The following KRT27 variants were observed in gnomAD, a reference collection of about 807,000 sequenced individuals.
KRT27 encodes keratin, type I cytoskeletal 27.
A neutral mutation model predicts 45.3 loss-of-function variants in KRT27; 30 were observed. The observed-to-expected ratio is 0.66, with a 90% CI of 0.50 to 0.90. The LOEUF (loss-of-function observed/expected upper bound fraction) is 0.90. Ranked by LOEUF, KRT27 falls within the 40% of genes least tolerant of loss-of-function variation. The pLI, the probability that KRT27 is intolerant of heterozygous loss-of-function variation, is 0.00. For synonymous variants in KRT27, 204 were observed against 223.9 expected, an observed-to-expected ratio of 0.91 and a Z score of 0.79; for missense variants, 610 against 564.3, an observed-to-expected ratio of 1.08 and a Z score of -0.82.
rs1171562589 is a variant in KRT27, at chr17:40,782,485, C to T, written c.9G>A (p.Val3=). The stretch of plus-strand genomic sequence containing the variant: ...GTCTCCTGGAGGTAGAAGAAAAGCG[C>T]ACAGACATGGTGTCCGGAGGCTGGA... MS[V]RFSSTSRRLG... The change falls in exon 1 of 8, where the codon GTG becomes GTA. Residue 3 remains valine, a synonymous_variant. Transcript: ENST00000301656. The T allele has an allele frequency of 5.7e-6, 9 of 1,569,786 alleles. No homozygotes were observed. Among genetic ancestry groups the T allele is most frequent in the Non-Finnish European group, 7.8e-6 (9 of 1,157,890 alleles).
chr17:40,776,873 T>G lies in KRT27; in HGVS notation c.*126A>C. 1 of 824,922 alleles carries G rather than the reference T, an allele frequency of 1.2e-6. No individual in the cohort carries two copies. Among genetic ancestry groups the G allele is most frequent in the South Asian group, 2.1e-5 (1 of 46,540 alleles). 51.1% of individuals were successfully genotyped at this position (824,922 alleles called of 1,614,324 possible). A position where few individuals can be genotyped will look rare whatever the true frequency, so the allele number is the denominator to read the frequency against. ...AGAGAAAAAGCCAAAGAAATGGTACTATTCTAAAAATAACTTGTCTTAATT... is the reference window on the plus strand; with the variant it reads ...AGAGAAAAAGCCAAAGAAATGGTACGATTCTAAAAATAACTTGTCTTAATT... On this transcript the variant is annotated 3_prime_UTR_variant, in exon 8 of 8. Coordinates refer to ENST00000301656, the MANE Select transcript of KRT27 (RefSeq NM_181537.4).
At chr17:40,779,356 CAT>C in intron 5 of KRT27, 144 bp downstream of exon 5, 1 of 975,150 alleles carries the variant, frequency 1.0e-6, no homozygotes, top group Non-Finnish European at 1.5e-6. Flanking sequence ...AGAGGATTGT[CAT>C]GTGCAAAATG....
At chr17:40,780,244 A>T in intron 3 of KRT27, 56 bp downstream of exon 3, 1 of 1,495,854 alleles carries the variant, frequency 6.7e-7, no homozygotes, top group Non-Finnish European at 9.0e-7. Flanking sequence ...ATCTGAAATT[A>T]GTTTTAAAAT....
intron 4 of KRT27, 30 bp downstream of exon 4, chr17:40,779,663 TGAGTCCG>T: frequency 9.3e-6 from 15 of 1,613,494 alleles, no homozygotes; most frequent in Non-Finnish European, 1.3e-5. Flanking sequence ...GCGCTGGGGC[TGAGTCCG>T]CGCCCGGGCG....
At chr17:40,778,674 C>T (rs1216101418) in intron 5 of KRT27, among the ~76,000 whole-genome samples, 2 of 152,206 alleles carry the variant, frequency 1.3e-5, no homozygotes, top group Admixed American at 1.3e-4. Context: ...TATCATTACA[C>T]ATGTTTAGTT....
At chr17:40,780,497 C>T (rs1199052813) in intron 2 of KRT27, 41 bp from the exon 3 acceptor site, 2 of 1,551,416 alleles carry the variant, frequency 1.3e-6, no homozygotes, top group African/African-American at 2.7e-5. Flanking sequence ...AGTCATTAGA[C>T]ATGGCACATC....
intron 3 of KRT27, 67 bp from the exon 4 acceptor site, chr17:40,779,928 G>T (rs9903064): frequency 0.032 from 49,094 of 1,510,902 alleles, 896 homozygotes; most frequent in Middle Eastern, 0.084. Flanking sequence ...TTGAGTTAGG[G>T]TCTCGCTCTG....
In KRT27 at chr17:40,782,545, C is replaced by T. The variant is rs111493787; in HGVS notation, c.-52G>A. 27 of 1,416,630 alleles carry T rather than the reference C, an allele frequency of 1.9e-5. No homozygotes were observed. The highest frequency in any genetic ancestry group is 1.8e-4 in the South Asian group (12 of 68,398). 87.8% of individuals were successfully genotyped at this position (1,416,630 alleles called of 1,614,324 possible). On this transcript the variant is annotated 5_prime_UTR_variant, in exon 1 of 8. Coordinates refer to ENST00000301656, the MANE Select transcript of KRT27 (RefSeq NM_181537.4). ...TCTGCGGTGATGCTCTGATGGTGAA[C>T]GGCCTACTCAAACAGCTTGGTTTGC...
Position 40,779,750 on chromosome 17 carries a change from C to T in KRT27, c.796G>A (p.Ala266Thr), listed in dbSNP as rs759137482. The T allele has an allele frequency of 6.2e-7, 1 of 1,614,244 alleles. No individual in the cohort carries two copies. The highest frequency in any genetic ancestry group is 1.1e-5 in the South Asian group (1 of 91,082). Reference protein sequence around the residue: ...LLNNMRAEYEALAEQNRRDAE... With the variant: ...LLNNMRAEYETLAEQNRRDAE... ...TCCCTGCGGTTCTGCTCTGCGAGGG[C>T]TTCGTACTCAGCTCGCATATTGTTC... is the stretch of plus-strand genomic sequence containing the variant. Residue 266 changes from alanine to threonine, a missense_variant, in exon 4 of 8, where the codon GCC (alanine) becomes ACC (threonine). By Grantham distance (58) the Ala-to-Thr change is moderately conservative (BLOSUM62 0). Transcript: ENST00000301656.
chr17:40,779,679 C>T lies in KRT27; in HGVS notation c.846+21G>A, dbSNP rs753393580. 7 of 1,613,018 alleles carry T rather than the reference C, an allele frequency of 4.3e-6. No homozygotes were observed. The South Asian group carries it at 6.6e-5, about 15-fold the overall frequency. Reference sequence around the variant, plus strand: ...CGCTGGGGCTGAGTCCGCGCCCGGGCGCACCCAAGCGTGGTTTTACCTTTT... The same window carrying T: ...CGCTGGGGCTGAGTCCGCGCCCGGGTGCACCCAAGCGTGGTTTTACCTTTT... On this transcript the variant is annotated intron_variant, in intron 4 of 7. Transcript: ENST00000301656.
chr17:40,782,341 GC>G lies in KRT27; in HGVS notation c.152del (p.Gly51AlafsTer36), dbSNP rs1567682706. Reference sequence around the variant, plus strand: ...CGCCATAGCCTCCTGCAGATGAGCTGCCCCCAAAAGCACAAGAGAAGCCACT... The same window carrying G: ...CGCCATAGCCTCCTGCAGATGAGCTGCCCCAAAAGCACAAGAGAAGCCACT... ...IGSGFSCAFG[G>X]SSSAGGYGGG... is the part of the protein sequence containing the mutation. On this transcript the variant is annotated frameshift_variant, in exon 1 of 8. Coordinates refer to ENST00000301656, the MANE Select transcript of KRT27 (RefSeq NM_181537.4). LOFTEE classifies it high-confidence loss of function. The G allele has an allele frequency of 6.2e-7, 1 of 1,614,172 alleles. No homozygotes were observed. Among genetic ancestry groups the G allele is most frequent in the Non-Finnish European group, 8.5e-7 (1 of 1,180,022 alleles).
chr17:40,777,904 A>G (rs2038279023), intron 5 of KRT27, 172 bp from the exon 6 acceptor site: 1 of 705,602 alleles, frequency 1.4e-6, no homozygotes, highest in Non-Finnish European at 2.3e-6. Flanking sequence ...ATGTCCTACT[A>G]CTTTTCTATT....
rs1197222829 is a variant in KRT27, at chr17:40,781,172, C to T, written c.527+16G>A. The T allele has an allele frequency of 1.3e-6, 2 of 1,562,946 alleles. No individual in the cohort carries two copies. Among genetic ancestry groups the T allele is most frequent in the Admixed American group, 1.8e-5 (1 of 55,448 alleles). The stretch of plus-strand genomic sequence containing the variant: ...TAGACAACTTTTTTTTCCCATTTAT[C>T]TTCAGCTCTACTTACTTTAGTCTGA... On this transcript the variant is annotated intron_variant, in intron 2 of 7. Transcript: ENST00000301656.
In KRT27 at chr17:40,782,043, T is replaced by TAAG. The variant is rs760136889; in HGVS notation, c.444+6_444+7insCTT. The stretch of plus-strand genomic sequence containing the variant: ...AGTGCTAACACTCACGCCATGGCGT[T>TAAG]TCTTACCTGGTTCTTAAGTTCGTCA... On this transcript the variant is annotated splice_region_variant and intron_variant, in intron 1 of 7. Transcript: ENST00000301656. The TAAG allele has an allele frequency of 6.2e-7, 1 of 1,605,872 alleles. No individual in the cohort carries two copies. The highest frequency in any genetic ancestry group is 1.1e-5 in the South Asian group (1 of 90,826).
At chr17:40,777,430 A>G in intron 6 of KRT27, 85 bp downstream of exon 6, 1 of 1,536,552 alleles carries the variant, frequency 6.5e-7, no homozygotes, top group Non-Finnish European at 9.0e-7. Context: ...TGCGTGATCT[A>G]GATCATAGAT....
intron 6 of KRT27, 47 bp downstream of exon 6, chr17:40,777,468 T>C: frequency 6.2e-7 from 1 of 1,601,478 alleles, no homozygotes; most frequent in Non-Finnish European, 8.6e-7. Context: ...AAATCATCTT[T>C]AGTAACCTTA....
rs755230846 is a variant in KRT27, at chr17:40,782,347, A to C, written c.147T>G (p.Phe49Leu). The C allele has an allele frequency of 3.1e-6, 5 of 1,614,104 alleles. No homozygotes were observed. The Admixed American group carries it at 6.7e-5, about 22-fold the overall frequency. ...AGCCTCCTGCAGATGAGCTGCCCCC[A>C]AAAGCACAAGAGAAGCCACTTCCAA... Reference protein sequence around the residue: ...PGIGSGFSCAFGGSSSAGGYG... With the variant: ...PGIGSGFSCALGGSSSAGGYG... Residue 49 changes from phenylalanine to leucine, a missense_variant, in exon 1 of 8, where the codon TTT (phenylalanine) becomes TTG (leucine). Transcript: ENST00000301656.
rs777183782 is a variant in KRT27, at chr17:40,777,043, A to C, written c.1336T>G (p.Ser446Ala). The C allele has an allele frequency of 3.7e-6, 6 of 1,613,612 alleles. No individual in the cohort carries two copies. The highest frequency in any genetic ancestry group is 5.1e-6 in the Non-Finnish European group (6 of 1,179,660). The part of the protein sequence containing the change: ...SSRVHTVEEK[S>A]TKVNNKNEQR... ...TCATTCTTGTTGTTGACTTTGGTGG[A>C]TTTCTCTTCCACAGTGTGAACTCTG... is the stretch of plus-strand genomic sequence containing the variant. The change falls in exon 8 of 8, where the codon TCC (serine) becomes GCC (alanine). Residue 446 changes from serine (S) to alanine (A), a missense_variant. By Grantham distance (99) the Ser-to-Ala change is moderately conservative. Coordinates refer to ENST00000301656, the MANE Select transcript of KRT27 (RefSeq NM_181537.4).
intron 5 of KRT27, among the ~76,000 whole-genome samples, chr17:40,779,221 T>G (rs2038288718): frequency 6.6e-6 from 1 of 152,302 alleles, no homozygotes; most frequent in East Asian, 1.9e-4. Flanking sequence ...TGAGTGGTTT[T>G]TGATATTTTG....
Sources: allele counts gnomAD v4.1 joint callset (sites outside exome capture counted in the v4.1 genomes callset), GRCh38; gene constraint gnomAD v4.1.1; transcripts MANE v1.5; gene names NCBI Gene and HGNC (gene_info 2026-07-23, HGNC 2026-07-21).